The following CTIF variants were observed in gnomAD, a reference collection of about 807,000 sequenced individuals.
CTIF encodes cap binding complex dependent translation initiation factor, also known as CBP80/20-dependent translation initiation factor.
Under a neutral mutation model 66.0 loss-of-function variants are expected in CTIF, and 21 were observed. The ratio of observed to expected loss-of-function variants is 0.32; its 90% CI spans 0.23 to 0.46. The LOEUF (loss-of-function observed/expected upper bound fraction) is 0.46. Among genes scored for constraint, CTIF ranks in the 20% least tolerant of loss-of-function variants. CTIF has a pLI of 1.00. For missense variants in CTIF, 739 were observed against 812.7 expected (o/e 0.91, Z 1.10); for synonymous variants, 345 against 326.4 (o/e 1.06, Z -0.62).
At chr18:48,614,752 A>G (rs2090366847) in intron 1 of CTIF, among the ~76,000 whole-genome samples, 1 of 152,222 alleles carries the variant, frequency 6.6e-6, no homozygotes. Context: ...AGTTCTGGAA[A>G]TAGATAGTGA....
At chr18:48,586,690 T>C (rs1360264408) in intron 1 of CTIF, among the ~76,000 whole-genome samples, 1 of 152,274 alleles carries the variant, frequency 6.6e-6, no homozygotes, top group East Asian at 1.9e-4. Context: ...AAATTTGCTT[T>C]TTATGCTCTG....
intron 10 of CTIF, among the ~76,000 whole-genome samples, chr18:48,837,778 A>C (rs1319539403): frequency 6.6e-6 from 1 of 152,070 alleles, no homozygotes. Flanking sequence ...GTACAAACAC[A>C]GGGCTGGGAA....
intron 9 of CTIF, among the ~76,000 whole-genome samples, chr18:48,814,155 G>C (rs1260914762): frequency 1.3e-5 from 2 of 152,232 alleles, no homozygotes; most frequent in Non-Finnish European, 2.9e-5. Flanking sequence ...GTGGGACTTT[G>C]TTCTTTGATG....
intron 2 of CTIF, among the ~76,000 whole-genome samples, chr18:48,624,311 G>T (rs1195328370): frequency 6.6e-6 from 1 of 152,170 alleles, no homozygotes; most frequent in Non-Finnish European, 1.5e-5. Context: ...GCACAGAAAT[G>T]GAGCATGGCC....
Position 48,588,812 on chromosome 18 carries a change from A to C in CTIF, c.-28-30726A>C, listed in dbSNP as rs2089827192. On this transcript the variant is annotated intron_variant, in intron 1 of 11. Coordinates refer to ENST00000256413, the MANE Select transcript of CTIF (RefSeq NM_014772.3). Reference sequence around the variant, plus strand: ...TCTCTTTACCCTTCCCCATCTCAGGAGGGGCCCAATGCAGGCTTGCGCAGC... The same window carrying C: ...TCTCTTTACCCTTCCCCATCTCAGGCGGGGCCCAATGCAGGCTTGCGCAGC... Among the ~76,000 whole-genome samples the C allele has an allele frequency of 1.3e-5, 2 of 152,086 alleles. 1 individual carries two copies. Among genetic ancestry groups the C allele is most frequent in the South Asian group, 4.1e-4 (2 of 4,830 alleles).
At chr18:48,588,773 G>C (rs566904872) in intron 1 of CTIF, among the ~76,000 whole-genome samples, 1 of 152,104 alleles carries the variant, frequency 6.6e-6, no homozygotes, top group Non-Finnish European at 1.5e-5. Flanking sequence ...GGCTCCCTGC[G>C]GGAGTCACTG....
intron 10 of CTIF, among the ~76,000 whole-genome samples, chr18:48,847,021 G>A (rs1215622195): frequency 2.0e-5 from 3 of 152,118 alleles, no homozygotes; most frequent in Non-Finnish European, 4.4e-5. Flanking sequence ...TAAAAATTAT[G>A]AGCTCCAGCC....
At chr18:48,660,661 C>A (rs914740451) in intron 3 of CTIF, among the ~76,000 whole-genome samples, 1 of 152,252 alleles carries the variant, frequency 6.6e-6, no homozygotes, top group African/African-American at 2.4e-5. Context: ...GAGGTTCCAC[C>A]AGCTCTCTGC....
chr18:48,849,626 G>A (rs551167289), intron 10 of CTIF, among the ~76,000 whole-genome samples: 16 of 118,722 alleles, frequency 1.3e-4, no homozygotes, highest in South Asian at 7.6e-4. Context: ...TCACTCTATC[G>A]CCAGGCTGGA....
At chr18:48,835,544 A>G (rs1280195223) in intron 10 of CTIF, among the ~76,000 whole-genome samples, 1 of 152,116 alleles carries the variant, frequency 6.6e-6, no homozygotes, top group East Asian at 1.9e-4. Context: ...TTTCATCGAG[A>G]TCCTCAAAGG....
At chr18:48,829,233 G>A (rs2146431833) in intron 10 of CTIF, among the ~76,000 whole-genome samples, 1 of 152,286 alleles carries the variant, frequency 6.6e-6, no homozygotes, top group Admixed American at 6.5e-5. Flanking sequence ...ATCCTTTGGG[G>A]TTAAAATCAC....
intron 10 of CTIF, among the ~76,000 whole-genome samples, chr18:48,856,033 G>A (rs928553286): frequency 6.6e-6 from 1 of 152,218 alleles, no homozygotes; most frequent in African/African-American, 2.4e-5. Flanking sequence ...GAGAAGAGCA[G>A]AAGCTTGACA....
At chr18:48,830,287 C>T (rs1433216957) in intron 10 of CTIF, among the ~76,000 whole-genome samples, 3 of 152,196 alleles carry the variant, frequency 2.0e-5, no homozygotes, top group Non-Finnish European at 4.4e-5. Flanking sequence ...CCTCAGCCTC[C>T]TGAGTAGCCG....
At chr18:48,674,052 C>A (rs1033245168) in intron 6 of CTIF, among the ~76,000 whole-genome samples, 1 of 152,242 alleles carries the variant, frequency 6.6e-6, no homozygotes, top group African/African-American at 2.4e-5. Context: ...CATGGCTGTT[C>A]TGTAAGCCTC....
chr18:48,539,106 C>G lies in CTIF; in HGVS notation c.-235C>G, dbSNP rs2088540793. On this transcript the variant is annotated 5_prime_UTR_variant, in exon 1 of 12. Transcript: ENST00000256413. ...CTTCCTCTACTCCCTCCCCCCTACCCGCCCCTCCCTCCCTGTTTCCCTTCC... is the reference window on the plus strand; with the variant it reads ...CTTCCTCTACTCCCTCCCCCCTACCGGCCCCTCCCTCCCTGTTTCCCTTCC... 7.1e-6 allele frequency: 1 copy of G among 141,358 alleles called. No homozygotes were observed. The allele number at this position is 141,358 out of a possible 1,614,324, so 8.8% of individuals were successfully genotyped here.
chr18:48,660,774 G>A (rs549919727), intron 3 of CTIF, among the ~76,000 whole-genome samples: 4 of 152,342 alleles, frequency 2.6e-5, no homozygotes, highest in Admixed American at 2.0e-4. Flanking sequence ...CCAACCTGCA[G>A]GCCAGGAGGG....
At chr18:48,645,123 G>C (rs1360408161) in intron 3 of CTIF, among the ~76,000 whole-genome samples, 1 of 152,088 alleles carries the variant, frequency 6.6e-6, no homozygotes, top group Non-Finnish European at 1.5e-5. Context: ...AAGACATTCT[G>C]TATAAAATGA....
intron 2 of CTIF, chr18:48,625,184 C>T (rs2144496098): frequency 1.0e-6 from 1 of 983,816 alleles, no homozygotes; most frequent in African/African-American, 1.7e-5. Context: ...TGTCTTTGCT[C>T]ACAGGAGGAA....
At chr18:48,701,558 C>G (rs1212806914) in intron 6 of CTIF, among the ~76,000 whole-genome samples, 13 of 152,168 alleles carry the variant, frequency 8.5e-5, no homozygotes, top group Non-Finnish European at 1.6e-4. Flanking sequence ...ACACAGTGCA[C>G]TCCCTTCAGT....
Sources: gnomAD v4.1 joint callset for allele counts (sites outside exome capture counted in the v4.1 genomes callset) on GRCh38, gnomAD v4.1.1 for gene constraint, MANE v1.5 for transcripts, NCBI Gene and HGNC (gene_info 2026-07-23, HGNC 2026-07-21) for gene names.